The following CACNG5 variants were observed in gnomAD, a reference collection of about 807,000 sequenced individuals.
The protein encoded by CACNG5 is voltage-dependent calcium channel gamma-5 subunit.
A neutral mutation model predicts 24.8 loss-of-function variants in CACNG5; 18 were observed. The observed-to-expected ratio is 0.73, with a 90% confidence interval of 0.50 to 1.08. The LOEUF is 1.08. Ranked by LOEUF, CACNG5 falls within the 50% of genes least tolerant of loss-of-function variation. The pLI, the probability that CACNG5 is intolerant of heterozygous loss-of-function variation, is 0.00. For missense variants in CACNG5, 349 were observed against 367.9 expected, an observed-to-expected ratio of 0.95 and a Z score of 0.42; for synonymous variants, 157 against 149.1, an observed-to-expected ratio of 1.05 and a Z score of -0.39.
intron 1 of CACNG5, among the ~76,000 whole-genome samples, chr17:66,861,601 C>T (rs189467683): frequency 3.9e-5 from 6 of 152,196 alleles, no homozygotes; most frequent in Admixed American, 2.0e-4. Flanking sequence ...GGCTTCCTTG[C>T]AGGCTTCTGA....
intron 1 of CACNG5, among the ~76,000 whole-genome samples, chr17:66,845,461 TAA>T (rs113767708): frequency 6.8e-6 from 1 of 147,628 alleles, no homozygotes; most frequent in Non-Finnish European, 1.5e-5. Flanking sequence ...AAGTAAAATT[TAA>T]AAAAAAAAAA....
rs532627671 is a variant in CACNG5, at chr17:66,890,680, C to A, written c.*5440C>A. Among the ~76,000 whole-genome samples the A allele has an allele frequency of 6.6e-6, 1 of 152,332 alleles. No individual in the cohort carries two copies. The highest frequency in any genetic ancestry group is 1.9e-4 in the East Asian group (1 of 5,184). On this transcript the variant is annotated 3_prime_UTR_variant, in exon 6 of 6. Coordinates refer to ENST00000533854, the MANE Select transcript of CACNG5 (RefSeq NM_145811.3). ...TCCTGCTGGTTCAGAGGCCTGAGTT[C>A]TCATCAGGTGCTGCTGCACCCTCTG...
chr17:66,864,889 T>C (rs1976909620), intron 1 of CACNG5, among the ~76,000 whole-genome samples: 1 of 152,246 alleles, frequency 6.6e-6, no homozygotes, highest in African/African-American at 2.4e-5. Context: ...TATTCCTATT[T>C]TAAAATGTGA....
intron 1 of CACNG5, among the ~76,000 whole-genome samples, chr17:66,847,242 A>C (rs1852644550): frequency 6.6e-6 from 1 of 152,226 alleles, no homozygotes; most frequent in East Asian, 1.9e-4. Context: ...CTTGCCCTCT[A>C]GAGGCCCCAC....
intron 1 of CACNG5, among the ~76,000 whole-genome samples, chr17:66,864,779 T>C (rs989624183): frequency 1.3e-5 from 2 of 152,246 alleles, no homozygotes; most frequent in African/African-American, 2.4e-5. Context: ...AAATGCATCC[T>C]TTAGACTAAC....
At chr17:66,869,134 AG>A (rs1251730300) in intron 1 of CACNG5, among the ~76,000 whole-genome samples, 2 of 151,598 alleles carry the variant, frequency 1.3e-5, no homozygotes, top group Non-Finnish European at 2.9e-5. Context: ...TCCAGGTTGG[AG>A]TACAATGGTG....
In CACNG5 at chr17:66,887,907, A is replaced by G. The variant is rs1376836236; in HGVS notation, c.*2667A>G. Among the ~76,000 whole-genome samples the G allele has an allele frequency of 1.3e-5, 2 of 152,174 alleles. No homozygotes were observed. The highest frequency in any genetic ancestry group is 4.8e-5 in the African/African-American group (2 of 41,446). ...CAATTTCCTTTCTGTCTATAAATTC[A>G]TCTCCGAATCAGGGCCTAGTTGCAG... On this transcript the variant is annotated 3_prime_UTR_variant, in exon 6 of 6. Coordinates refer to ENST00000533854, the MANE Select transcript of CACNG5 (RefSeq NM_145811.3).
intron 1 of CACNG5, among the ~76,000 whole-genome samples, chr17:66,848,400 G>A (rs906392393): frequency 2.0e-5 from 3 of 152,176 alleles, no homozygotes; most frequent in African/African-American, 7.2e-5. Context: ...TCAAATGGGG[G>A]CTGCAGGGCC....
rs1331841583 is a variant in CACNG5, at chr17:66,890,035, C to T, written c.*4795C>T. Among the ~76,000 whole-genome samples the T allele has an allele frequency of 2.6e-5, 4 of 152,344 alleles. No homozygotes were observed. The East Asian group carries it at 7.7e-4, about 29-fold the overall frequency. ...TGGGTATGAGGGCCAATTGGCAGCT[C>T]TCCAAGTCTTGACTTTCTCCCCACA... On this transcript the variant is annotated 3_prime_UTR_variant, in exon 6 of 6. Transcript: ENST00000533854.
At chr17:66,853,589 T>C (rs1003608189) in intron 1 of CACNG5, among the ~76,000 whole-genome samples, 1 of 152,154 alleles carries the variant, frequency 6.6e-6, no homozygotes, top group Non-Finnish European at 1.5e-5. Flanking sequence ...ACTTTGATGA[T>C]GAAACTAAAC....
rs1977336863 is a variant in CACNG5, at chr17:66,891,072, G to A, written c.*5832G>A. ...TTTATCCACGAGTGGGTAGCAAGAT[G>A]GCAACAGTGATTCCAAACATCCTAT... On this transcript the variant is annotated 3_prime_UTR_variant, in exon 6 of 6. Coordinates refer to ENST00000533854, the MANE Select transcript of CACNG5 (RefSeq NM_145811.3). Among the ~76,000 whole-genome samples, 1 of 152,164 alleles carries A rather than the reference G, an allele frequency of 6.6e-6. No individual in the cohort carries two copies.
chr17:66,884,945 C>T (rs2143132951), intron 5 of CACNG5, 38 bp from the exon 6 acceptor site: 1 of 1,614,112 alleles, frequency 6.2e-7, no homozygotes, highest in South Asian at 1.1e-5. Context: ...AGGCAGGCCC[C>T]AGCAGCGAGC....
chr17:66,852,567 A>C (rs1033496162), intron 1 of CACNG5, among the ~76,000 whole-genome samples: 2 of 152,220 alleles, frequency 1.3e-5, no homozygotes, highest in Non-Finnish European at 2.9e-5. Flanking sequence ...TAGAAAGTGA[A>C]TATCACTTTT....
chr17:66,850,243 G>A (rs532052096), intron 1 of CACNG5, among the ~76,000 whole-genome samples: 2 of 152,364 alleles, frequency 1.3e-5, no homozygotes, highest in South Asian at 2.1e-4. Flanking sequence ...ATGGACTGGG[G>A]GAGGGGGTCT....
chr17:66,877,422 C>G lies in CACNG5; in HGVS notation c.90C>G (p.Thr30=). Residue 30 remains threonine, a synonymous_variant, in exon 2 of 6, where the codon ACC becomes ACG. Transcript: ENST00000533854. ...GCCTCCTGGGTATCGCGGTCAGCAC[C>G]GACTACTGGCTGTACCTGGAGGAGG... ...GLGLLGIAVS[T]DYWLYLEEGV... is the part of the protein sequence containing the mutation. 1 of 1,614,054 alleles carries G rather than the reference C, an allele frequency of 6.2e-7. No homozygotes were observed. Among genetic ancestry groups the G allele is most frequent in the African/African-American group, 1.3e-5 (1 of 75,018 alleles).
At chr17:66,856,250 C>T (rs1190907415) in intron 1 of CACNG5, among the ~76,000 whole-genome samples, 1 of 152,174 alleles carries the variant, frequency 6.6e-6, no homozygotes, top group African/African-American at 2.4e-5. Flanking sequence ...AATTGCTTTC[C>T]AAAAGAGTGA....
chr17:66,885,453 TTGTC>T lies in CACNG5; in HGVS notation c.*216_*219del, dbSNP rs2143134701. On this transcript the variant is annotated 3_prime_UTR_variant, in exon 6 of 6. Transcript: ENST00000533854. ...AGTCTGGAGTCTGTGGGCAAGCTGATTGTCTGGGAACATGGGAGAAGCCCCGCCC... is the reference window on the plus strand; with the variant it reads ...AGTCTGGAGTCTGTGGGCAAGCTGATTGGGAACATGGGAGAAGCCCCGCCC... The T allele has an allele frequency of 6.9e-6, 4 of 581,532 alleles. No homozygotes were observed. The highest frequency in any genetic ancestry group is 2.9e-5 in the South Asian group (1 of 34,236). 36.0% of individuals were successfully genotyped at this position (581,532 alleles called of 1,614,324 possible). A position where few individuals can be genotyped will look rare whatever the true frequency, so the allele number is the denominator to read the frequency against.
chr17:66,842,203 T>A (rs1475520468), intron 1 of CACNG5, among the ~76,000 whole-genome samples: 1 of 152,134 alleles, frequency 6.6e-6, no homozygotes, highest in Non-Finnish European at 1.5e-5. Flanking sequence ...CTTATCAGCC[T>A]CTACCAGGCA....
chr17:66,880,798 G>C, intron 4 of CACNG5, 101 bp downstream of exon 4: 1 of 1,337,570 alleles, frequency 7.5e-7, no homozygotes, highest in South Asian at 1.4e-5. Flanking sequence ...CTGGAGTGCA[G>C]TGGCACGATC....
Sources: gnomAD v4.1 joint callset for allele counts (sites outside exome capture counted in the v4.1 genomes callset) on GRCh38, gnomAD v4.1.1 for gene constraint, MANE v1.5 for transcripts, NCBI Gene and HGNC (gene_info 2026-07-23, HGNC 2026-07-21) for gene names.